ZNF382: variants seen among roughly 807,000 people sequenced by gnomAD.
The protein encoded by ZNF382 is KRAB/zinc finger suppressor protein 1.
In ZNF382, 20 loss-of-function variants were observed where a neutral mutation model predicts 38.8. That is an observed-to-expected ratio of 0.51 (90% CI 0.36 to 0.75). ZNF382 has a LOEUF of 0.75. Among genes scored for constraint, ZNF382 ranks in the 30% least tolerant of loss-of-function variants. ZNF382 has a pLI of 0.00. For synonymous variants in ZNF382, 202 were observed against 223.1 expected (o/e 0.91, Z 0.84); for missense variants, 546 against 654.1 (o/e 0.83, Z 1.80).
At position 36,627,283 on chromosome 19, in the gene ZNF382, A is replaced by G. The variant is rs1232647651; in HGVS notation, c.1386A>G (p.Lys462=). The G allele has an allele frequency of 3.7e-6, 6 of 1,613,284 alleles. No homozygotes were observed. In the African/African-American group the frequency reaches 4.0e-5, roughly 11 times the overall value. The change falls in exon 5 of 5, where the codon AAA becomes AAG. Residue 462 remains lysine, a synonymous_variant. Coordinates refer to ENST00000292928, the MANE Select transcript of ZNF382 (RefSeq NM_032825.5). The part of the protein sequence containing the change: ...TLHQRIHTGE[K]PYICNECGKS... ...ACCAGAGAATTCACACGGGGGAAAA[A>G]CCCTATATTTGTAATGAATGTGGGA...
In ZNF382 at chr19:36,628,919, C is replaced by G. The variant is rs2037235541; in HGVS notation, c.*1369C>G. On this transcript the variant is annotated 3_prime_UTR_variant, in exon 5 of 5. Transcript: ENST00000292928. The stretch of plus-strand genomic sequence containing the variant: ...CTTTTACACCATCAAAGAATTAATA[C>G]CAAAGAAAGGAAGATTACAAGGAAA... 1 of 150,756 alleles carries G rather than the reference C, an allele frequency of 6.6e-6. No homozygotes were observed. The allele number at this position is 150,756 out of a possible 1,614,324, so 9.3% of individuals were successfully genotyped here.
In ZNF382 at chr19:36,626,682, T is replaced by C. The variant is rs759588665; in HGVS notation, c.785T>C (p.Leu262Pro). 6.8e-6 allele frequency: 11 copies of C among 1,613,932 alleles called. No homozygotes were observed. The highest frequency in any genetic ancestry group is 9.3e-6 in the Non-Finnish European group (11 of 1,180,022). Reference protein sequence around the residue: ...KSSLSVHPSNLMEKKPSAYNK... With the variant: ...KSSLSVHPSNPMEKKPSAYNK... ...AGCCTCAGTGTCCATCCAAGTAATC[T>C]TATGGAAAAGAAGCCCTCTGCCTAC... The change falls in exon 5 of 5, where the codon CTT becomes CCT. Residue 262 changes from leucine (L) to proline (P), a missense_variant. Leu to Pro is a moderately conservative substitution (Grantham distance 98, BLOSUM62 -3). Transcript: ENST00000292928.
At position 36,626,478 on chromosome 19, in the gene ZNF382, G is replaced by A; in HGVS notation, c.581G>A (p.Ser194Asn). Residue 194 changes from serine to asparagine, a missense_variant, in exon 5 of 5, where the codon AGT becomes AAT. By Grantham distance (46) the Ser-to-Asn change is conservative. Transcript: ENST00000292928. ...NLHKQTERVL[S>N]GKQELIQHQK... ...CATAAACAAACAGAAAGAGTTCTCA[G>A]TGGTAAACAGGAGCTTATTCAGCAT... 1.2e-6 allele frequency: 2 copies of A among 1,603,630 alleles called. No individual in the cohort carries two copies. The highest frequency in any genetic ancestry group is 1.7e-6 in the Non-Finnish European group (2 of 1,177,004).
At position 36,626,653 on chromosome 19, in the gene ZNF382, G is replaced by A; in HGVS notation, c.756G>A (p.Lys252=). 6.2e-7 allele frequency: 1 copy of A among 1,614,088 alleles called. No individual in the cohort carries two copies. Among genetic ancestry groups the A allele is most frequent in the Non-Finnish European group, 8.5e-7 (1 of 1,180,020 alleles). ...YNKDGIAFIE[K]SSLSVHPSNL... ...AAGATGGAATTGCCTTCATAGAAAA[G>A]TCAAGCCTCAGTGTCCATCCAAGTA... Residue 252 remains lysine (K), a synonymous_variant, in exon 5 of 5, where the codon AAG becomes AAA. Transcript: ENST00000292928.
intron 4 of ZNF382, among the ~76,000 whole-genome samples, chr19:36,617,137 A>C (rs2145323428): frequency 6.6e-6 from 1 of 152,334 alleles, no homozygotes; most frequent in Middle Eastern, 3.4e-3. Flanking sequence ...CAATCAACTG[A>C]GAAGTTCCCA....
chr19:36,619,490 C>G (rs777087496), intron 4 of ZNF382, among the ~76,000 whole-genome samples: 1 of 152,170 alleles, frequency 6.6e-6, no homozygotes, highest in South Asian at 2.1e-4. Context: ...TTGTAACCCC[C>G]ACTAAGTGGG....
intron 2 of ZNF382, 186 bp downstream of exon 2, chr19:36,607,808 G>A (rs1368144582): frequency 6.7e-6 from 4 of 594,072 alleles, no homozygotes; most frequent in Non-Finnish European, 1.1e-5. Context: ...TACCCTCAGG[G>A]CTGTGCCCTC....
rs1299025487 is a variant in ZNF382 at position 36,633,944 on chromosome 19, A to G, written c.*6394A>G. 6.6e-6 allele frequency: 1 copy of G among 152,138 alleles called. No homozygotes were observed. 9.4% of individuals were successfully genotyped at this position (152,138 alleles called of 1,614,324 possible). The stretch of plus-strand genomic sequence containing the variant: ...CTGGGGTGGGGTGGGGTCTGAATAC[A>G]GAGGGGTTGCACGAGGCAATTCTTT... On this transcript the variant is annotated 3_prime_UTR_variant, in exon 5 of 5. Coordinates refer to ENST00000292928, the MANE Select transcript of ZNF382 (RefSeq NM_032825.5).
chr19:36,617,868 G>A (rs901990176), intron 4 of ZNF382, among the ~76,000 whole-genome samples: 4 of 152,106 alleles, frequency 2.6e-5, no homozygotes, highest in South Asian at 2.1e-4. Flanking sequence ...CAGAATTCTC[G>A]CTAAAACTGG....
rs1427529737 is a variant in ZNF382 at position 36,620,449 on chromosome 19, G to A, written c.233-5681G>A. ...AATATTTGTTGACTAAATGAATCTT[G>A]TTTCATTAGGCCTCTCATTGGTCCT... is the stretch of plus-strand genomic sequence containing the variant. On this transcript the variant is annotated intron_variant, in intron 4 of 4. Transcript: ENST00000292928. Among the ~76,000 whole-genome samples, 2 of 152,056 alleles carry A rather than the reference G, an allele frequency of 1.3e-5. 1 individual carries two copies. The highest frequency in any genetic ancestry group is 4.1e-4 in the South Asian group (2 of 4,832).
intron 4 of ZNF382, among the ~76,000 whole-genome samples, chr19:36,624,652 A>G (rs748420840): frequency 2.0e-5 from 3 of 152,174 alleles, no homozygotes; most frequent in Admixed American, 6.5e-5. Flanking sequence ...ACTCAAACCT[A>G]TCTTTCCCTA....
rs1337787341 is a variant in ZNF382, at chr19:36,627,223, G to T, written c.1326G>T (p.Gly442=). 3 of 1,613,594 alleles carry T rather than the reference G, an allele frequency of 1.9e-6. No individual in the cohort carries two copies. Among genetic ancestry groups the T allele is most frequent in the African/African-American group, 1.3e-5 (1 of 74,748 alleles). The change falls in exon 5 of 5, where the codon GGG becomes GGT. Residue 442 remains glycine (G), a synonymous_variant. Coordinates refer to ENST00000292928, the MANE Select transcript of ZNF382 (RefSeq NM_032825.5). ...GEKPYICNEC[G]KSFCQKTTLT... ...AACCCTATATTTGCAATGAATGTGGGAAGTCCTTCTGCCAAAAGACAACCC... is the reference window on the plus strand; with the variant it reads ...AACCCTATATTTGCAATGAATGTGGTAAGTCCTTCTGCCAAAAGACAACCC...
In ZNF382 at chr19:36,631,334, T is replaced by C. The variant is rs1194588126; in HGVS notation, c.*3784T>C. ...CAATTGTAACACAATGGTAATTATT[T>C]GTATATGTAAACCTATCTAAACACA... On this transcript the variant is annotated 3_prime_UTR_variant, in exon 5 of 5. Coordinates refer to ENST00000292928, the MANE Select transcript of ZNF382 (RefSeq NM_032825.5). The C allele has an allele frequency of 6.6e-6, 1 of 152,156 alleles. No homozygotes were observed. The highest frequency in any genetic ancestry group is 1.5e-5 in the Non-Finnish European group (1 of 68,036). 9.4% of individuals were successfully genotyped at this position (152,156 alleles called of 1,614,324 possible).
rs1353731282 is a variant in ZNF382, at chr19:36,610,714, G to C, written c.204G>C (p.Gln68His). 6.2e-7 allele frequency: 1 copy of C among 1,613,256 alleles called. No homozygotes were observed. Among genetic ancestry groups the C allele is most frequent in the African/African-American group, 1.3e-5 (1 of 75,034 alleles). The change falls in exon 4 of 5, where the codon CAG (glutamine) becomes CAC (histidine). Residue 68 changes from glutamine to histidine, a missense_variant. Physicochemically the swap from Gln to His is conservative, Grantham distance 24 (BLOSUM62 0). Transcript: ENST00000292928. The stretch of plus-strand genomic sequence containing the variant: ...AACAAGGAGAAGAGCTATGGACACA[G>C]AGAATTTTTCCAAGTTACAGCTACC... ...KLEQGEELWT[Q>H]RIFPSYSYLE...
chr19:36,618,597 C>A (rs2037144052), intron 4 of ZNF382, among the ~76,000 whole-genome samples: 1 of 152,166 alleles, frequency 6.6e-6, no homozygotes, highest in Admixed American at 6.5e-5. Context: ...AAATGTAGCT[C>A]TTATGCAGTG....
intron 4 of ZNF382, among the ~76,000 whole-genome samples, chr19:36,622,739 CAAAT>C (rs2037179672): frequency 6.6e-6 from 1 of 152,108 alleles, no homozygotes; most frequent in African/African-American, 2.4e-5. Context: ...CCCCAGCAAA[CAAAT>C]AAACTCCTAT....
chr19:36,614,880 C>CTTTCTTCCTTTCCT (rs1555793078), intron 4 of ZNF382, among the ~76,000 whole-genome samples: 6 of 89,820 alleles, frequency 6.7e-5, no homozygotes, highest in African/African-American at 2.7e-4. Context: ...TTCTTTCTTT[C>CTTTCTTCCTTTCCT]TTCCTTTCCT....
rs2037246844 is a variant in ZNF382, at chr19:36,630,416, A to G, written c.*2866A>G. On this transcript the variant is annotated 3_prime_UTR_variant, in exon 5 of 5. Transcript: ENST00000292928. ...CTTTTGTTTCCCAGGCTGGAGTGCA[A>G]TGGCGCAATTTCGGCTCATTGCAAC... 1.3e-5 allele frequency: 2 copies of G among 149,974 alleles called. No homozygotes were observed. Among genetic ancestry groups the G allele is most frequent in the South Asian group, 2.1e-4 (1 of 4,776 alleles). 9.3% of individuals were successfully genotyped at this position (149,974 alleles called of 1,614,324 possible). A position where few individuals can be genotyped will look rare whatever the true frequency, so the allele number is the denominator to read the frequency against.
At chr19:36,625,802 G>T (rs184111707) in intron 4 of ZNF382, among the ~76,000 whole-genome samples, 1 of 152,006 alleles carries the variant, frequency 6.6e-6, no homozygotes, top group Admixed American at 6.6e-5. Flanking sequence ...CAGGTGATCC[G>T]CCCGCCTTGG....
Sources: gnomAD v4.1 joint callset for allele counts (sites outside exome capture counted in the v4.1 genomes callset) on GRCh38, gnomAD v4.1.1 for gene constraint, MANE v1.5 for transcripts, NCBI Gene and HGNC (gene_info 2026-07-23, HGNC 2026-07-21) for gene names.